The following HEATR5A variants were observed in gnomAD, a reference collection of about 807,000 sequenced individuals.
HEATR5A encodes HEAT repeat-containing protein 5A.
Under a neutral mutation model 218.8 loss-of-function variants are expected in HEATR5A, and 178 were observed. The ratio of observed to expected loss-of-function variants is 0.81; its 90% CI spans 0.72 to 0.92. The LOEUF (loss-of-function observed/expected upper bound fraction) is 0.92. Among genes scored for constraint, HEATR5A ranks in the 40% least tolerant of loss-of-function variants. The pLI is 0.00. For missense variants in HEATR5A, 2,420 were observed against 2,418.9 expected (o/e 1.00, Z -0.01); for synonymous variants, 864 against 871.6 (o/e 0.99, Z 0.15).
chr14:31,339,964 T>A (rs183362179), intron 21 of HEATR5A, among the ~76,000 whole-genome samples: 1 of 152,324 alleles, frequency 6.6e-6, no homozygotes, highest in Admixed American at 6.5e-5. Flanking sequence ...GCAGCATTTA[T>A]TCAGGCTAGT....
chr14:31,364,342 T>TA (rs1901729332), intron 13 of HEATR5A, 44 bp from the exon 14 acceptor site: 2 of 953,126 alleles, frequency 2.1e-6, no homozygotes, highest in Admixed American at 2.8e-5. Context: ...TTAAGTTATA[T>TA]AACAATATAC....
chr14:31,302,074 C>T (rs1357905706), intron 33 of HEATR5A, among the ~76,000 whole-genome samples: 1 of 151,906 alleles, frequency 6.6e-6, no homozygotes, highest in Non-Finnish European at 1.5e-5. Flanking sequence ...TCAGGTGATC[C>T]ACCTGACTTG....
In HEATR5A at chr14:31,370,334, A is replaced by C. The variant is rs533420944; in HGVS notation, c.1961+1476T>G. ...AGGCATTTTATAGCATGGGGAAGGG[A>C]AATATTGAGAAAAAACAAACATATA... On this transcript the variant is annotated intron_variant, in intron 13 of 35. Coordinates refer to ENST00000543095, the MANE Select transcript of HEATR5A (RefSeq NM_015473.4). 7.9e-4 allele frequency among the ~76,000 whole-genome samples: 121 copies of C among 152,306 alleles called. 2 individuals are homozygous for C. The highest frequency in any genetic ancestry group is 2.7e-3 in the African/African-American group (111 of 41,584).
At chr14:31,320,287 G>A (rs1900049698) in intron 25 of HEATR5A, 2 of 721,206 alleles carry the variant, frequency 2.8e-6, no homozygotes, top group Non-Finnish European at 5.1e-6. Context: ...CCTCAGACAG[G>A]GCAAAGCCCA....
intron 16 of HEATR5A, among the ~76,000 whole-genome samples, chr14:31,354,671 A>G (rs1357608413): frequency 6.6e-6 from 1 of 152,204 alleles, no homozygotes; most frequent in East Asian, 1.9e-4. Flanking sequence ...ATAAAAGTGC[A>G]GTTAACTGAA....
chr14:31,300,117 G>C (rs1316930367), intron 33 of HEATR5A, among the ~76,000 whole-genome samples: 1 of 151,888 alleles, frequency 6.6e-6, no homozygotes, highest in Non-Finnish European at 1.5e-5. Context: ...TCCATAATCT[G>C]GCCCCATGTA....
rs771787446 is a variant in HEATR5A at position 31,403,060 on chromosome 14, G to A, written c.-74-11C>T. 38 of 1,203,604 alleles carry A rather than the reference G, an allele frequency of 3.2e-5. No individual in the cohort carries two copies. The highest frequency in any genetic ancestry group is 2.0e-4 in the Middle Eastern group (1 of 5,084). 74.6% of individuals were successfully genotyped at this position (1,203,604 alleles called of 1,614,324 possible). On this transcript the variant is annotated splice_polypyrimidine_tract_variant and intron_variant, in intron 1 of 35. Transcript: ENST00000543095. The stretch of plus-strand genomic sequence containing the variant: ...CCTAACAATAAAAATCTGCAATACA[G>A]GAAAATAATGTATTTTAAAAGGGGG...
intron 1 of HEATR5A, among the ~76,000 whole-genome samples, chr14:31,417,643 C>T (rs2031497375): frequency 6.7e-6 from 1 of 149,362 alleles, no homozygotes; most frequent in Non-Finnish European, 1.5e-5. Flanking sequence ...CCAGCTACTC[C>T]GGAGGCTGAG....
intron 14 of HEATR5A, among the ~76,000 whole-genome samples, chr14:31,362,623 A>AC (rs1174842134): frequency 6.7e-6 from 1 of 148,986 alleles, no homozygotes; most frequent in Non-Finnish European, 1.5e-5. Flanking sequence ...AAAAAAAAAA[A>AC]AAAAAAAACT....
At chr14:31,307,759 G>A (rs1899601694) in intron 30 of HEATR5A, 134 bp downstream of exon 30, 6 of 886,370 alleles carry the variant, frequency 6.8e-6, no homozygotes, top group African/African-American at 5.1e-5. Flanking sequence ...TGGTTCCAAG[G>A]CCTAGCTGTG....
chr14:31,334,023 G>C (rs1234355026), intron 22 of HEATR5A, among the ~76,000 whole-genome samples: 2 of 104,216 alleles, frequency 1.9e-5, no homozygotes, highest in South Asian at 3.6e-4. Flanking sequence ...GGGCGACAGA[G>C]ACAGACCCTG....
At chr14:31,366,520 G>A (rs2139244712) in intron 13 of HEATR5A, among the ~76,000 whole-genome samples, 1 of 152,168 alleles carries the variant, frequency 6.6e-6, no homozygotes, top group East Asian at 1.9e-4. Flanking sequence ...AAAAAAAGAT[G>A]AATAAAACAA....
chr14:31,298,240 A>G (rs1164740675), intron 33 of HEATR5A, among the ~76,000 whole-genome samples: 1 of 150,132 alleles, frequency 6.7e-6, no homozygotes, highest in Non-Finnish European at 1.5e-5. Context: ...AGATAATATA[A>G]TATGTGTTTG....
At chr14:31,294,134 T>C (rs1899101205) in intron 34 of HEATR5A, 30 bp from the exon 35 acceptor site, 1 of 1,380,328 alleles carries the variant, frequency 7.2e-7, no homozygotes, top group Non-Finnish European at 9.9e-7. Context: ...GAATAGCAAA[T>C]ACTATAAATA....
At chr14:31,363,154 G>A (rs962816154) in intron 14 of HEATR5A, among the ~76,000 whole-genome samples, 1 of 151,026 alleles carries the variant, frequency 6.6e-6, no homozygotes, top group African/African-American at 2.4e-5. Flanking sequence ...CAGGAGAATC[G>A]TTTGAACACA....
At chr14:31,387,720 C>T (rs546543180) in intron 7 of HEATR5A, among the ~76,000 whole-genome samples, 21 of 152,180 alleles carry the variant, frequency 1.4e-4, no homozygotes, top group South Asian at 1.0e-3. Context: ...CCACCAAGCC[C>T]GGCTAATTTT....
At chr14:31,414,181 T>A (rs2031373887) in intron 1 of HEATR5A, among the ~76,000 whole-genome samples, 1 of 152,196 alleles carries the variant, frequency 6.6e-6, no homozygotes, top group Admixed American at 6.5e-5. Context: ...AGAGGCAGAT[T>A]TTAAGTTAAG....
intron 34 of HEATR5A, among the ~76,000 whole-genome samples, chr14:31,294,626 G>T (rs1664721540): frequency 1.3e-5 from 2 of 151,870 alleles, no homozygotes; most frequent in South Asian, 4.2e-4. Context: ...GGTCAGGCTG[G>T]TCTCGAACTC....
intron 22 of HEATR5A, among the ~76,000 whole-genome samples, chr14:31,331,345 TA>T (rs1299553002): frequency 2.0e-5 from 3 of 152,302 alleles, no homozygotes; most frequent in African/African-American, 7.2e-5. Context: ...TCTCTTTGCT[TA>T]AGCATAGCAA....
Sources: allele counts gnomAD v4.1 joint callset (sites outside exome capture counted in the v4.1 genomes callset), GRCh38; gene constraint gnomAD v4.1.1; transcripts MANE v1.5; gene names NCBI Gene and HGNC (gene_info 2026-07-23, HGNC 2026-07-21).